LIFR: variants seen among roughly 807,000 people sequenced by gnomAD.
LIFR encodes the protein LIF receptor subunit alpha.
In LIFR, 84 loss-of-function variants were observed where a neutral mutation model predicts 122.2. The ratio of observed to expected loss-of-function variants is 0.69; its 90% CI spans 0.58 to 0.82. LIFR has a LOEUF of 0.82. Ranked by LOEUF, LIFR falls within the 40% of genes least tolerant of loss-of-function variation. LIFR has a pLI of 0.00. For synonymous variants in LIFR, 422 were observed against 434.7 expected (o/e 0.97, Z 0.36); for missense variants, 1,294 against 1,311.6 (o/e 0.99, Z 0.21).
intron 1 of LIFR, among the ~76,000 whole-genome samples, chr5:38,564,848 A>C (rs971310620): frequency 5.9e-5 from 9 of 151,290 alleles, no homozygotes; most frequent in African/African-American, 2.2e-4. Context: ...ATCTCGGCTC[A>C]CTGCAACCTA....
intron 14 of LIFR, among the ~76,000 whole-genome samples, chr5:38,493,118 G>A (rs1456738645): frequency 1.3e-5 from 2 of 152,094 alleles, no homozygotes; most frequent in Non-Finnish European, 2.9e-5. Flanking sequence ...AGGGGTTCAC[G>A]GTCTTTGTGC....
chr5:38,597,973 T>G (rs1750139254), upstream of LIFR, among the ~76,000 whole-genome samples: 1 of 151,584 alleles, frequency 6.6e-6, no homozygotes. Context: ...TGGGGATTGG[T>G]GGGGTGCTTG....
chr5:38,488,096 C>A (rs555211629), intron 16 of LIFR, among the ~76,000 whole-genome samples: 1 of 152,302 alleles, frequency 6.6e-6, no homozygotes, highest in Admixed American at 6.5e-5. Flanking sequence ...CACTGGAAAT[C>A]CAGATGCTAG....
chr5:38,525,330 C>T (rs1248872935), intron 4 of LIFR, among the ~76,000 whole-genome samples: 1 of 152,172 alleles, frequency 6.6e-6, no homozygotes, highest in African/African-American at 2.4e-5. Context: ...TCCATAGACT[C>T]ACCCTTTCTT....
chr5:38,572,461 C>T (rs1749244521), intron 1 of LIFR, among the ~76,000 whole-genome samples: 1 of 152,198 alleles, frequency 6.6e-6, no homozygotes, highest in Non-Finnish European at 1.5e-5. Context: ...CCCACTGCAA[C>T]ATTAGGGATT....
chr5:38,493,833 T>C, intron 13 of LIFR, 48 bp from the exon 14 acceptor site: 1 of 1,477,876 alleles, frequency 6.8e-7, no homozygotes, highest in Non-Finnish European at 9.5e-7. Flanking sequence ...AACAATAATA[T>C]AAGGCAAATC....
At chr5:38,489,041 C>A in intron 16 of LIFR, 37 bp downstream of exon 16, 1 of 1,582,348 alleles carries the variant, frequency 6.3e-7, no homozygotes, top group Non-Finnish European at 8.7e-7. Context: ...TGAGAAACTT[C>A]TAAGAAACAC....
intron 1 of LIFR, among the ~76,000 whole-genome samples, chr5:38,551,812 T>G (rs917260446): frequency 1.3e-5 from 2 of 152,238 alleles, no homozygotes; most frequent in Non-Finnish European, 1.5e-5. Flanking sequence ...CATAGAATAG[T>G]ATCTCCCAAA....
At chr5:38,516,741 TAA>T (rs1746104657) in intron 5 of LIFR, among the ~76,000 whole-genome samples, 1 of 152,116 alleles carries the variant, frequency 6.6e-6, no homozygotes. Context: ...CATTCTACTA[TAA>T]AGACACATGC....
In LIFR at chr5:38,482,651, A is replaced by T; in HGVS notation, c.2608T>A (p.Tyr870Asn). ...TTTTCTGGATTTGGAATATCAGGGT[A>T]GAAGGTTTCTTTAATCCTTTAAATA... The part of the protein sequence containing the change: ...RKREWIKETF[Y>N]PDIPNPENCK... Residue 870 changes from tyrosine to asparagine, a missense_variant, in exon 19 of 20, where the codon TAC becomes AAC. Tyr to Asn is a moderately radical substitution (Grantham distance 143). Transcript: ENST00000453190. The T allele has an allele frequency of 6.9e-7, 1 of 1,456,404 alleles. No homozygotes were observed. Among genetic ancestry groups the T allele is most frequent in the South Asian group, 1.3e-5 (1 of 74,140 alleles). The allele number at this position is 1,456,404 out of a possible 1,614,324, so 90.2% of individuals were successfully genotyped here.
At chr5:38,513,717 C>A (rs144126366) in intron 5 of LIFR, among the ~76,000 whole-genome samples, 8 of 152,102 alleles carry the variant, frequency 5.3e-5, no homozygotes, top group Non-Finnish European at 4.4e-5. Flanking sequence ...TAATATTTGG[C>A]GTTTGCCACC....
At chr5:38,508,293 A>C (rs577916987) in intron 7 of LIFR, among the ~76,000 whole-genome samples, 1 of 152,318 alleles carries the variant, frequency 6.6e-6, no homozygotes, top group African/African-American at 2.4e-5. Context: ...TAAAAAACAA[A>C]GTCATTTTTA....
chr5:38,608,366 G>A (rs1423200837), upstream of LIFR: 2 of 152,112 alleles, frequency 1.3e-5, no homozygotes, highest in Admixed American at 6.5e-5. Context: ...GCTGGTCTAA[G>A]AGCAGCCTGT....
chr5:38,508,841 C>T (rs1745640962), intron 7 of LIFR, among the ~76,000 whole-genome samples: 1 of 152,188 alleles, frequency 6.6e-6, no homozygotes, highest in African/African-American at 2.4e-5. Flanking sequence ...GCCTCAGCCT[C>T]CCAAAGCGCT....
intron 6 of LIFR, 83 bp from the exon 7 acceptor site, chr5:38,510,801 A>G (rs1745760820): frequency 8.4e-6 from 10 of 1,193,122 alleles, no homozygotes; most frequent in Admixed American, 2.1e-5. Context: ...CTTTCTTTTC[A>G]TAAGATGACT....
chr5:38,524,985 T>C (rs1746600689), intron 4 of LIFR, among the ~76,000 whole-genome samples: 2 of 152,116 alleles, frequency 1.3e-5, no homozygotes, highest in Admixed American at 1.3e-4. Context: ...ACTGTTAATA[T>C]CTGAGAAAGA....
At chr5:38,523,731 GTAA>G in intron 4 of LIFR, 149 bp from the exon 5 acceptor site, 3 of 663,810 alleles carry the variant, frequency 4.5e-6, no homozygotes, top group Non-Finnish European at 7.8e-6. Flanking sequence ...CTAGAACCCA[GTAA>G]TAAGGACATG....
chr5:38,527,116 T>A, intron 4 of LIFR, 39 bp downstream of exon 4: 1 of 1,540,602 alleles, frequency 6.5e-7, no homozygotes, highest in South Asian at 1.2e-5. Flanking sequence ...AAGTGACACT[T>A]GACTTACTTT....
chr5:38,572,136 T>C (rs926169137), intron 1 of LIFR, among the ~76,000 whole-genome samples: 1 of 152,212 alleles, frequency 6.6e-6, no homozygotes, highest in South Asian at 2.1e-4. Flanking sequence ...AAGAAATACC[T>C]GAGACTGGGT....
Sources: allele counts gnomAD v4.1 joint callset (sites outside exome capture counted in the v4.1 genomes callset), GRCh38; gene constraint gnomAD v4.1.1; transcripts MANE v1.5; gene names NCBI Gene and HGNC (gene_info 2026-07-23, HGNC 2026-07-21).